The following TTN variants were observed in gnomAD, a reference collection of about 807,000 sequenced individuals.
TTN encodes connectin.
A neutral mutation model predicts 3,223.0 loss-of-function variants in TTN; 1,525 were observed. That is an observed-to-expected ratio of 0.47 (90% CI 0.45 to 0.49). The LOEUF (loss-of-function observed/expected upper bound fraction) is 0.49. TTN is among the 20% of genes least tolerant of loss of function. TTN has a pLI of 0.00. For missense variants in TTN, 40,786 were observed against 43,424.0 expected, an observed-to-expected ratio of 0.94 and a Z score of 5.40; for synonymous variants, 14,094 against 15,161.0, an observed-to-expected ratio of 0.93 and a Z score of 5.17.
Position 178,692,003 on chromosome 2 carries a change from G to A in TTN, c.31762+13C>T. Reference sequence around the variant, plus strand: ...TGGAGCAAAGAGTCTCCCCATCATTGGCTCTGGCGTACCTTTTGGGGGAGC... The same window carrying A: ...TGGAGCAAAGAGTCTCCCCATCATTAGCTCTGGCGTACCTTTTGGGGGAGC... On this transcript the variant is annotated intron_variant, in intron 121 of 362. Transcript: ENST00000589042. 6.2e-7 allele frequency: 1 copy of A among 1,606,132 alleles called. No individual in the cohort carries two copies. The highest frequency in any genetic ancestry group is 1.7e-4 in the Middle Eastern group (1 of 6,014).
In TTN at chr2:178,583,802, C is replaced by T. The variant is rs373848128; in HGVS notation, c.65380G>A (p.Val21794Ile). 43 of 1,609,850 alleles carry T rather than the reference C, an allele frequency of 2.7e-5. No individual in the cohort carries two copies. Among genetic ancestry groups the T allele is most frequent in the African/African-American group, 6.7e-5 (5 of 74,822 alleles). The change falls in exon 312 of 363, where the codon GTA (valine) becomes ATA (isoleucine). Residue 21794 changes from valine to isoleucine, a missense_variant. Physicochemically the swap from Val to Ile is conservative, Grantham distance 29. Transcript: ENST00000589042. The part of the protein sequence containing the change: ...DGGSKIIGYF[V>I]EACKLPGDKW... The stretch of plus-strand genomic sequence containing the variant: ...TCACCAGGAAGTTTGCAAGCTTCTA[C>T]GAAATAGCCAATAATTTTACTGCCT...
rs770082146 is a variant in TTN at position 178,559,318 on chromosome 2, T to G, written c.86814A>C (p.Lys28938Asn). 2 of 1,589,236 alleles carry G rather than the reference T, an allele frequency of 1.3e-6. No homozygotes were observed. Among genetic ancestry groups the G allele is most frequent in the Admixed American group, 3.5e-5 (2 of 56,376 alleles). Reference sequence around the variant, plus strand: ...CTTATTCTTAAAACATACCTGTTATTTTTACTCCTTCCTTTGTTTCAGCTG... The same window carrying G: ...CTTATTCTTAAAACATACCTGTTATGTTTACTCCTTCCTTTGTTTCAGCTG... ...GIPAETKEGV[K>N]ITEKPSPPEK... The change falls in exon 326 of 363, where the codon AAA becomes AAC. Residue 28938 changes from lysine to asparagine, a missense_variant. Lys to Asn is a moderately conservative substitution (Grantham distance 94). Transcript: ENST00000589042.
intron 43 of TTN, among the ~76,000 whole-genome samples, chr2:178,759,484 T>C (rs2088367855): frequency 6.6e-6 from 1 of 152,226 alleles, no homozygotes; most frequent in Non-Finnish European, 1.5e-5. Context: ...AGACAAGATT[T>C]TGACATATTC....
rs749711979 is a variant in TTN at position 178,569,409 on chromosome 2, C to T, written c.76723G>A (p.Asp25575Asn). Residue 25575 changes from aspartate to asparagine, a missense_variant, in exon 326 of 363, where the codon GAT becomes AAT. Transcript: ENST00000589042. ...SLVLDNVNRY[D>N]SGKYTLTLEN... is the part of the protein sequence containing the mutation. ...AATGTAAGCGTATATTTTCCACTAT[C>T]ATATCGGTTGACATTGTCAAGAACA... 4.3e-6 allele frequency: 7 copies of T among 1,613,206 alleles called. No homozygotes were observed. In the African/African-American group the frequency reaches 8.0e-5, roughly 18 times the overall value.
chr2:178,723,684 A>T lies in TTN; in HGVS notation c.21416T>A (p.Phe7139Tyr), dbSNP rs374010248. The change falls in exon 74 of 363, where the codon TTT becomes TAT. Residue 7139 changes from phenylalanine (F) to tyrosine (Y), a missense_variant. Physicochemically the swap from Phe to Tyr is conservative, Grantham distance 22. Transcript: ENST00000589042. ...TTCCAAAGGTTCAGGTTCTTTCACA[A>T]AAGAGGGTGGTTCTATATAGACATG... ...AVLTVQEPPS[F>Y]VKEPEPLEVL... is the part of the protein sequence containing the mutation. The T allele has an allele frequency of 1.5e-5, 24 of 1,585,170 alleles. No individual in the cohort carries two copies. The African/African-American group carries it at 2.8e-4, about 19-fold the overall frequency.
chr2:178,623,732 A>C (rs113193080), intron 242 of TTN, among the ~76,000 whole-genome samples: 11 of 151,970 alleles, frequency 7.2e-5, no homozygotes, highest in Non-Finnish European at 1.6e-4. Flanking sequence ...ACCAAACCAA[A>C]CAAACAAATA....
rs770726467 is a variant in TTN, at chr2:178,543,455, G to A, written c.96518C>T (p.Thr32173Ile). Residue 32173 changes from threonine to isoleucine, a missense_variant, in exon 347 of 363, where the codon ACC becomes ATC. Transcript: ENST00000589042. The stretch of plus-strand genomic sequence containing the variant: ...TGGCAGCACTCTGAAATAGTACATG[G>A]TTCCTTCTACAAGTCCAGAAATTCT... ...LYRISGLVEGTMYYFRVLPEN... is the reference protein window; with the variant it reads ...LYRISGLVEGIMYYFRVLPEN... The A allele has an allele frequency of 3.1e-6, 5 of 1,613,800 alleles. No individual in the cohort carries two copies. The South Asian group carries it at 5.5e-5, about 18-fold the overall frequency.
Position 178,706,823 on chromosome 2 carries a change from A to C in TTN, c.29134+39T>G, listed in dbSNP as rs751710390. On this transcript the variant is annotated intron_variant, in intron 101 of 362. Transcript: ENST00000589042. ...AAATTAAATCATAAGTAAAAGGTAT[A>C]AGATAGATGAAGATGTACTTCTCAT... is the stretch of plus-strand genomic sequence containing the variant. 3 of 1,608,504 alleles carry C rather than the reference A, an allele frequency of 1.9e-6. No homozygotes were observed. In the African/African-American group the frequency reaches 4.0e-5, roughly 22 times the overall value.
chr2:178,673,085 T>C (rs536812772), intron 152 of TTN, among the ~76,000 whole-genome samples: 1 of 151,744 alleles, frequency 6.6e-6, no homozygotes, highest in South Asian at 2.1e-4. Context: ...AGCTGAGGAG[T>C]CTACTATGAC....
chr2:178,801,570 T>C (rs2094063741), intron 3 of TTN, among the ~76,000 whole-genome samples: 1 of 152,212 alleles, frequency 6.6e-6, no homozygotes, highest in Non-Finnish European at 1.5e-5. Context: ...CAATATTCTG[T>C]ATACTAATGT....
At chr2:178,643,792 C>G (rs116171682) in intron 218 of TTN, among the ~76,000 whole-genome samples, 1,709 of 151,736 alleles carry the variant, frequency 0.011, 34 homozygotes, top group African/African-American at 0.039. Context: ...ACTTTTTTCC[C>G]CAAAATTTCA....
At position 178,590,283 on chromosome 2, in the gene TTN, G is replaced by C; in HGVS notation, c.61442C>G (p.Thr20481Ser). The C allele has an allele frequency of 6.4e-7, 1 of 1,571,026 alleles. No homozygotes were observed. The highest frequency in any genetic ancestry group is 2.2e-5 in the East Asian group (1 of 44,448). The change falls in exon 304 of 363, where the codon ACT becomes AGT. Residue 20481 changes from threonine (T) to serine (S), a missense_variant. Physicochemically the swap from Thr to Ser is moderately conservative, Grantham distance 58. Coordinates refer to ENST00000589042, the MANE Select transcript of TTN (RefSeq NM_001267550.2). ...LHPPEVELDV[T>S]CRDVITVRVG... is the part of the protein sequence containing the mutation. ...TCTCACGGTAATAACATCACGACAAGTAACATCAAGTTCTACTTCTGGAGG... is the reference window on the plus strand; with the variant it reads ...TCTCACGGTAATAACATCACGACAACTAACATCAAGTTCTACTTCTGGAGG...
intron 158 of TTN, 68 bp from the exon 159 acceptor site, chr2:178,669,515 T>G (rs1560235389): frequency 6.3e-7 from 1 of 1,589,254 alleles, no homozygotes. Flanking sequence ...AAGGATTTAA[T>G]GTCACACACA....
chr2:178,681,003 T>C (rs2069241768), intron 138 of TTN, 76 bp downstream of exon 138: 2 of 1,248,132 alleles, frequency 1.6e-6, no homozygotes, highest in Non-Finnish European at 2.2e-6. Flanking sequence ...AACAACAAAA[T>C]GAAATGAATC....
In TTN at chr2:178,768,099, G is replaced by A. The variant is rs780706937; in HGVS notation, c.9220C>T (p.Arg3074Ter). The A allele has an allele frequency of 3.1e-6, 5 of 1,613,916 alleles. No homozygotes were observed. The highest frequency in any genetic ancestry group is 4.2e-6 in the Non-Finnish European group (5 of 1,179,962). ...GAAACTTCACATTCAAACATGGCTC[G>A]CTTCTTCTCCAGTACCTTAATGTCC... is the stretch of plus-strand genomic sequence containing the variant. ...IKDIKVLEKK[R>*]AMFECEVSEP... Residue 3074 changes from arginine to a stop codon, truncating the protein, a stop_gained, in exon 39 of 363, where the codon CGA becomes TGA. Transcript: ENST00000589042. LOFTEE classifies it high-confidence loss of function.
At chr2:178,664,223 C>T in intron 168 of TTN, 125 bp from the exon 169 acceptor site, 4 of 983,598 alleles carry the variant, frequency 4.1e-6, no homozygotes, top group East Asian at 2.6e-5. Flanking sequence ...AACAAGTTCC[C>T]ATAATAGGTG....
In TTN at chr2:178,633,561, A is replaced by C; in HGVS notation, c.42798T>G (p.Gly14266=). The change falls in exon 232 of 363, where the codon GGT becomes GGG. Residue 14266 remains glycine (G), a synonymous_variant. Coordinates refer to ENST00000589042, the MANE Select transcript of TTN (RefSeq NM_001267550.2). The stretch of plus-strand genomic sequence containing the variant: ...ATTTGGGTGAAGGGACAATCTCTTC[A>C]CCATCTTTGAACCATTTCACTGGTA... ...KDVPVKWFKD[G]EEIVPSPKYS... 6.2e-7 allele frequency: 1 copy of C among 1,613,356 alleles called. No homozygotes were observed. The highest frequency in any genetic ancestry group is 1.3e-5 in the African/African-American group (1 of 74,996).
chr2:178,583,762 C>T lies in TTN; in HGVS notation c.65420G>A (p.Cys21807Tyr), dbSNP rs749514907. The T allele has an allele frequency of 4.3e-6, 7 of 1,611,514 alleles. No homozygotes were observed. In the South Asian group the frequency reaches 5.5e-5, roughly 13 times the overall value. The part of the protein sequence containing the change: ...CKLPGDKWVR[C>Y]NTAPHQIPQE... ...GGGAATCTGGTGAGGTGCAGTATTG[C>T]ACCGTACCCATTTATCACCAGGAAG... The change falls in exon 312 of 363, where the codon TGC becomes TAC. Residue 21807 changes from cysteine to tyrosine, a missense_variant. Transcript: ENST00000589042.
At chr2:178,792,359 GCTCT>G (rs1359373212) in intron 9 of TTN, among the ~76,000 whole-genome samples, 162 bp from the exon 10 acceptor site, 32 of 152,270 alleles carry the variant, frequency 2.1e-4, no homozygotes, top group Admixed American at 7.2e-4. Flanking sequence ...ATAAGATCAT[GCTCT>G]TTCTCTCCTT....
Sources: allele counts gnomAD v4.1 joint callset (sites outside exome capture counted in the v4.1 genomes callset), GRCh38; gene constraint gnomAD v4.1.1; transcripts MANE v1.5; gene names NCBI Gene and HGNC (gene_info 2026-07-23, HGNC 2026-07-21).